CCZ1: variants seen among roughly 807,000 people sequenced by gnomAD.
CCZ1 encodes CCZ1 vacuolar protein trafficking and biogenesis associated.
A neutral mutation model predicts 57.8 loss-of-function variants in CCZ1; 19 were observed. That is an observed-to-expected ratio of 0.33 (90% CI 0.23 to 0.48). CCZ1 has a LOEUF of 0.48. Ranked by LOEUF, CCZ1 falls within the 20% of genes least tolerant of loss-of-function variation. The pLI, the probability that CCZ1 is intolerant of heterozygous loss-of-function variation, is 0.99. For synonymous variants in CCZ1, 81 were observed against 167.0 expected, an observed-to-expected ratio of 0.49 and a Z score of 3.97; for missense variants, 200 against 492.0, an observed-to-expected ratio of 0.41 and a Z score of 5.61.
chr7:5,911,817 TA>T (rs755436323), intron 8 of CCZ1, 43 bp from the exon 9 acceptor site: 1 of 1,368,676 alleles, frequency 7.3e-7, no homozygotes, highest in East Asian at 2.5e-5. Context: ...GGAAAATAAA[TA>T]AAAAGTCTGA....
rs1411479596 is a variant in CCZ1, at chr7:5,925,928, T to A, written c.*241T>A. ...TTTCATTCTTTTGACATTATGTGAA[T>A]ATTTTACTGGAAAATAAGACTAATA... On this transcript the variant is annotated 3_prime_UTR_variant, in exon 15 of 15. Transcript: ENST00000325974. 1.4e-6 allele frequency: 1 copy of A among 700,814 alleles called. No homozygotes were observed. Among genetic ancestry groups the A allele is most frequent in the Non-Finnish European group, 2.4e-6 (1 of 413,088 alleles). 43.4% of individuals were successfully genotyped at this position (700,814 alleles called of 1,614,324 possible).
At chr7:5,910,164 G>T in intron 8 of CCZ1, 48 bp downstream of exon 8, 2 of 1,509,714 alleles carry the variant, frequency 1.3e-6, no homozygotes, top group Non-Finnish European at 1.8e-6. Context: ...GGGGCACAGA[G>T]AGGGCAGGTG....
chr7:5,912,004 A>G, intron 9 of CCZ1, 82 bp downstream of exon 9: 2 of 1,571,542 alleles, frequency 1.3e-6, no homozygotes, highest in Non-Finnish European at 1.7e-6. Flanking sequence ...CCCAGGCTGG[A>G]GAGCAGTGGC....
intron 7 of CCZ1, among the ~76,000 whole-genome samples, chr7:5,906,024 C>T (rs972325693): frequency 3.5e-5 from 5 of 143,756 alleles, no homozygotes; most frequent in African/African-American, 7.7e-5. Flanking sequence ...ATTACAGGCA[C>T]GAGCCACTGC....
Position 5,920,957 on chromosome 7 carries a change from T to G in CCZ1, c.1106+991T>G, listed in dbSNP as rs1163270860. Among the ~76,000 whole-genome samples the G allele has an allele frequency of 5.6e-5, 6 of 106,998 alleles. 1 individual carries two copies. The East Asian group carries it at 8.7e-4, about 16-fold the overall frequency. The allele number at this position is 106,998 out of a possible 152,430, so 70.2% of individuals were successfully genotyped here. A position where few individuals can be genotyped will look rare whatever the true frequency, so the allele number is the denominator to read the frequency against. On this transcript the variant is annotated intron_variant, in intron 12 of 14. Transcript: ENST00000325974. ...TTCATACGTTGTTTTTTGGGTTTTT[T>G]TTTTTTTTTTTTTTAAGACAGAGTC... is the stretch of plus-strand genomic sequence containing the variant.
At chr7:5,922,768 G>C (rs774200833) in intron 12 of CCZ1, among the ~76,000 whole-genome samples, 1 of 148,298 alleles carries the variant, frequency 6.7e-6, no homozygotes, top group Non-Finnish European at 1.5e-5. Flanking sequence ...ACATAGTGTC[G>C]TAGGCTTCCC....
At chr7:5,901,949 G>A (rs1781694844) in intron 5 of CCZ1, 4 of 480,192 alleles carry the variant, frequency 8.3e-6, no homozygotes, top group African/African-American at 2.0e-5. Context: ...ATGAAAAAGT[G>A]TGTCTATGTG....
chr7:5,903,993 C>CG lies in CCZ1; in HGVS notation c.523-1093dup, dbSNP rs765742907. 6.1e-3 allele frequency among the ~76,000 whole-genome samples: 826 copies of CG among 135,214 alleles called. 34 individuals are homozygous for CG. The highest frequency in any genetic ancestry group is 0.017 in the East Asian group (64 of 3,798). The allele number at this position is 135,214 out of a possible 152,430, so 88.7% of individuals were successfully genotyped here. On this transcript the variant is annotated intron_variant, in intron 6 of 14. Coordinates refer to ENST00000325974, the MANE Select transcript of CCZ1 (RefSeq NM_015622.6). The stretch of plus-strand genomic sequence containing the variant: ...TGGGTGACAGACCAAGACTCCATCT[C>CG]GGGGGGGGAAATAAAGATGGCACTC...
rs1484671183 is a variant in CCZ1 at position 5,923,932 on chromosome 7, C to CA, written c.1370dup (p.Asn457LysfsTer6). 1.1e-5 allele frequency: 16 copies of CA among 1,391,794 alleles called. No homozygotes were observed. The highest frequency in any genetic ancestry group is 2.3e-5 in the East Asian group (1 of 43,504). The allele number at this position is 1,391,794 out of a possible 1,614,324, so 86.2% of individuals were successfully genotyped here. On this transcript the variant is annotated frameshift_variant, in exon 14 of 15. Coordinates refer to ENST00000325974, the MANE Select transcript of CCZ1 (RefSeq NM_015622.6). LOFTEE classifies it high-confidence loss of function. ...GCGGGAGCTCTATGTTATTTTGAAT[C>CA]AAAAAAATGCAAACCTGATTGAAGT...
At chr7:5,912,377 C>CTTTTTTTT (rs4036238) in intron 9 of CCZ1, among the ~76,000 whole-genome samples, 18 of 54,700 alleles carry the variant, frequency 3.3e-4, no homozygotes, top group Non-Finnish European at 4.8e-4. Context: ...TCAGCATACC[C>CTTTTTTTT]TTTTTTTTTT....
At chr7:5,912,110 ATGCC>A (rs200652996) in intron 9 of CCZ1, among the ~76,000 whole-genome samples, 188 bp downstream of exon 9, 4,459 of 150,534 alleles carry the variant, frequency 0.03, 102 homozygotes, top group Non-Finnish European at 0.044. Flanking sequence ...ATGAGCCACT[ATGCC>A]TGGGTAATTC....
In CCZ1 at chr7:5,901,691, A is replaced by G. The variant is rs768627200; in HGVS notation, c.425A>G (p.Tyr142Cys). 4 of 1,598,650 alleles carry G rather than the reference A, an allele frequency of 2.5e-6. No homozygotes were observed. Among genetic ancestry groups the G allele is most frequent in the Non-Finnish European group, 2.5e-6 (3 of 1,176,804 alleles). Reference sequence around the variant, plus strand: ...TATAGCTCGGTGCTGCGGCAGTGCTACAGCATGTACAAGGTAAGCGTGGCG... The same window carrying G: ...TATAGCTCGGTGCTGCGGCAGTGCTGCAGCATGTACAAGGTAAGCGTGGCG... ...KVYSSVLRQC[Y>C]SMYKLFNGTF... is the part of the protein sequence containing the mutation. Residue 142 changes from tyrosine (Y) to cysteine (C), a missense_variant, in exon 5 of 15, where the codon TAC becomes TGC. This residue lies in a region of CCZ1 where 128 missense variants were observed against 178.4 expected (regional missense o/e 0.72). Transcript: ENST00000325974.
intron 13 of CCZ1, 33 bp downstream of exon 13, chr7:5,923,578 CCTTT>C (rs1451994771): frequency 2.8e-5 from 10 of 360,658 alleles, no homozygotes; most frequent in Non-Finnish European, 4.2e-5. Flanking sequence ...TCAGGCGTCC[CCTTT>C]CTAAGACGAG....
chr7:5,900,221 G>A (rs534172641), intron 1 of CCZ1, 63 bp from the exon 2 acceptor site: 4 of 1,385,120 alleles, frequency 2.9e-6, no homozygotes, highest in Middle Eastern at 1.9e-4. Context: ...TGAACTTAGC[G>A]TTTTCAATAG....
chr7:5,920,949 G>T (rs1425558563), intron 12 of CCZ1, among the ~76,000 whole-genome samples: 1 of 89,574 alleles, frequency 1.1e-5, no homozygotes. Flanking sequence ...GTTGTTTTTT[G>T]GGTTTTTTTT....
At chr7:5,905,906 T>C (rs1466953137) in intron 7 of CCZ1, among the ~76,000 whole-genome samples, 1 of 136,774 alleles carries the variant, frequency 7.3e-6, no homozygotes, top group Admixed American at 7.3e-5. Flanking sequence ...TTATACCTTT[T>C]TTTTTTTTTT....
At chr7:5,916,488 TTTTTG>T (rs1779147208) in intron 10 of CCZ1, among the ~76,000 whole-genome samples, 1 of 39,956 alleles carries the variant, frequency 2.5e-5, no homozygotes, top group African/African-American at 9.8e-5. Flanking sequence ...GTTTTTTGGG[TTTTTG>T]TTTTGTTTTT....
At chr7:5,899,005 C>T (rs1781613194) in intron 1 of CCZ1, 86 bp downstream of exon 1, 1 of 278,370 alleles carries the variant, frequency 3.6e-6, no homozygotes, top group Admixed American at 8.0e-5. Context: ...TCGAGGGGCA[C>T]TGACCTAGCC....
In CCZ1 at chr7:5,901,684, C is replaced by T. The variant is rs1465546596; in HGVS notation, c.418C>T (p.Gln140Ter). The stretch of plus-strand genomic sequence containing the variant: ...CAAGGTTTATAGCTCGGTGCTGCGG[C>T]AGTGCTACAGCATGTACAAGGTAAG... ...LDKVYSSVLR[Q>*]CYSMYKLFNG... The change falls in exon 5 of 15, where the codon CAG (glutamine) becomes TAG (stop). Residue 140 changes from glutamine to a stop codon, truncating the protein, a stop_gained. Coordinates refer to ENST00000325974, the MANE Select transcript of CCZ1 (RefSeq NM_015622.6). LOFTEE classifies it high-confidence loss of function. The T allele has an allele frequency of 3.8e-6, 6 of 1,598,700 alleles. 1 individual carries two copies. The highest frequency in any genetic ancestry group is 1.7e-6 in the Non-Finnish European group (2 of 1,176,866).
Sources: allele counts gnomAD v4.1 joint callset (sites outside exome capture counted in the v4.1 genomes callset), GRCh38; gene constraint gnomAD v4.1.1; regional missense constraint gnomAD v4.1.1; transcripts MANE v1.5; gene names NCBI Gene and HGNC (gene_info 2026-07-23, HGNC 2026-07-21).